The following SORCS2 variants were observed in gnomAD, a reference collection of about 807,000 sequenced individuals.
SORCS2 encodes the protein VPS10 domain-containing receptor SorCS2.
In SORCS2, 100 loss-of-function variants were observed where a neutral mutation model predicts 141.6. The observed-to-expected ratio is 0.71, with a 90% CI of 0.60 to 0.83. The LOEUF is 0.83. Among genes scored for constraint, SORCS2 ranks in the 40% least tolerant of loss-of-function variants. The pLI, the probability that SORCS2 is intolerant of heterozygous loss-of-function variation, is 0.00. For missense variants in SORCS2, 1,646 were observed against 1,560.2 expected (o/e 1.05, Z -0.93); for synonymous variants, 789 against 676.9 (o/e 1.17, Z -2.57).
At chr4:7,239,877 A>G (rs1712570272) in intron 1 of SORCS2, among the ~76,000 whole-genome samples, 1 of 152,222 alleles carries the variant, frequency 6.6e-6, no homozygotes, top group South Asian at 2.1e-4. Context: ...AGCTGCCTTC[A>G]TCTTTGTTGA....
At chr4:7,567,833 G>A (rs1315753337) in intron 3 of SORCS2, among the ~76,000 whole-genome samples, 1 of 152,158 alleles carries the variant, frequency 6.6e-6, no homozygotes, top group East Asian at 1.9e-4. Context: ...ATTTATATGA[G>A]GATGAACTCA....
In SORCS2 at chr4:7,729,650, G is replaced by A. The variant is rs759118679; in HGVS notation, c.3046G>A (p.Asp1016Asn). 1.1e-5 allele frequency: 17 copies of A among 1,603,884 alleles called. No homozygotes were observed. The highest frequency in any genetic ancestry group is 6.8e-5 in the Admixed American group (4 of 58,736). The change falls in exon 23 of 27, where the codon GAT (aspartate) becomes AAT (asparagine). Residue 1016 changes from aspartate (D) to asparagine (N), a missense_variant. Asp to Asn is a conservative substitution (Grantham distance 23, BLOSUM62 1). Transcript: ENST00000507866. ...VVKPGLPTLA[D>N]LYVLLPPPRP... is the part of the protein sequence containing the mutation. ...GAAGCCGGGGCTGCCCACTTTGGCC[G>A]ATCTGTACGTGCTCCTGCCCCCTCC...
intron 2 of SORCS2, among the ~76,000 whole-genome samples, chr4:7,402,080 G>A (rs1724630248): frequency 6.6e-6 from 1 of 152,160 alleles, no homozygotes; most frequent in Non-Finnish European, 1.5e-5. Flanking sequence ...TGGATGGTGA[G>A]CAGGAATAAT....
intron 3 of SORCS2, among the ~76,000 whole-genome samples, chr4:7,589,404 TTTG>T (rs1338630503): frequency 2.0e-4 from 3 of 14,968 alleles, no homozygotes; most frequent in Non-Finnish European, 2.5e-3. Flanking sequence ...TTTTTGTTTG[TTTG>T]TTTGTTTTGT....
At chr4:7,516,314 G>A (rs1732976177) in intron 2 of SORCS2, among the ~76,000 whole-genome samples, 1 of 152,110 alleles carries the variant, frequency 6.6e-6, no homozygotes, top group African/African-American at 2.4e-5. Context: ...CAGGCCTCTT[G>A]CTCTTGTTTT....
intron 2 of SORCS2, among the ~76,000 whole-genome samples, chr4:7,523,199 C>T (rs1733450244): frequency 6.6e-6 from 1 of 151,988 alleles, no homozygotes; most frequent in Non-Finnish European, 1.5e-5. Flanking sequence ...GAATTCCTCC[C>T]CAGAAGGGCA....
chr4:7,644,609 C>T (rs993987520), intron 4 of SORCS2, among the ~76,000 whole-genome samples: 1 of 152,202 alleles, frequency 6.6e-6, no homozygotes, highest in South Asian at 2.1e-4. Context: ...TGTTGAGTGC[C>T]ACCAATCACA....
intron 8 of SORCS2, among the ~76,000 whole-genome samples, chr4:7,674,042 G>C (rs1260306658): frequency 6.6e-6 from 1 of 152,202 alleles, no homozygotes; most frequent in African/African-American, 2.4e-5. Flanking sequence ...GAGGAGGGCA[G>C]AACAGCCACA....
At chr4:7,340,569 C>G (rs1013608952) in intron 1 of SORCS2, among the ~76,000 whole-genome samples, 47 of 152,208 alleles carry the variant, frequency 3.1e-4, no homozygotes, top group African/African-American at 1.1e-3. Flanking sequence ...CCTCCAGGCC[C>G]GTCCCTCACT....
chr4:7,589,975 G>A (rs1716805417), intron 3 of SORCS2, among the ~76,000 whole-genome samples: 1 of 152,174 alleles, frequency 6.6e-6, no homozygotes, highest in South Asian at 2.1e-4. Flanking sequence ...GGAATGGCGG[G>A]GCTATTGGAG....
chr4:7,719,634 C>T (rs10001165), intron 18 of SORCS2, among the ~76,000 whole-genome samples: 21,856 of 152,232 alleles, frequency 0.14, 2,603 homozygotes, highest in African/African-American at 0.33. Flanking sequence ...GCAGCAGCAT[C>T]TTGGGGCGGC....
Position 7,240,173 on chromosome 4 carries a change from C to T in SORCS2, c.480+47047C>T, listed in dbSNP as rs547900185. The stretch of plus-strand genomic sequence containing the variant: ...GGCCCCACGGGGCTGTCGTGATCCC[C>T]GAAGGAGATGGTGTCAGGGGAGCTT... On this transcript the variant is annotated intron_variant, in intron 1 of 26. Transcript: ENST00000507866. Among the ~76,000 whole-genome samples the T allele has an allele frequency of 1.1e-4, 17 of 152,274 alleles. No individual in the cohort carries two copies. In the East Asian group the frequency reaches 2.3e-3, roughly 21 times the overall value.
At chr4:7,637,785 C>T (rs1468467869) in intron 3 of SORCS2, among the ~76,000 whole-genome samples, 1 of 151,940 alleles carries the variant, frequency 6.6e-6, no homozygotes, top group East Asian at 1.9e-4. Flanking sequence ...TGGGGGTGAA[C>T]CTGCCATTTC....
intron 1 of SORCS2, among the ~76,000 whole-genome samples, chr4:7,389,665 G>T (rs530995987): frequency 6.6e-6 from 1 of 152,186 alleles, no homozygotes; most frequent in African/African-American, 2.4e-5. Flanking sequence ...GGGTGGTCAG[G>T]GAAGGCTTCT....
In SORCS2 at chr4:7,525,865, T is replaced by TCCTCAGTCACCTGTCC. The variant is rs1446979374; in HGVS notation, c.549-5660_549-5645dup. Among the ~76,000 whole-genome samples the TCCTCAGTCACCTGTCC allele has an allele frequency of 6.4e-4, 82 of 128,602 alleles. 4 individuals carry two copies. Among genetic ancestry groups the TCCTCAGTCACCTGTCC allele is most frequent in the Middle Eastern group, 4.6e-3 (1 of 216 alleles). The allele number at this position is 128,602 out of a possible 152,430, so 84.4% of individuals were successfully genotyped here. A position where few individuals can be genotyped will look rare whatever the true frequency, so the allele number is the denominator to read the frequency against. The stretch of plus-strand genomic sequence containing the variant: ...GGCCCTCCTGCAGTCACCTGTCCCC[T>TCCTCAGTCACCTGTCC]CCTCAGTCACCTGTCCCCTCCTCAG... On this transcript the variant is annotated intron_variant, in intron 2 of 26. Transcript: ENST00000507866.
At chr4:7,311,961 C>T (rs1196621183) in intron 1 of SORCS2, among the ~76,000 whole-genome samples, 4 of 151,992 alleles carry the variant, frequency 2.6e-5, no homozygotes, top group African/African-American at 7.3e-5. Flanking sequence ...CTGCAATTGG[C>T]GCCTCCTGGG....
At chr4:7,685,806 C>T (rs1484019636) in intron 10 of SORCS2, among the ~76,000 whole-genome samples, 1 of 152,142 alleles carries the variant, frequency 6.6e-6, no homozygotes, top group Non-Finnish European at 1.5e-5. Context: ...ACTCACAGCA[C>T]CTCCTGACTG....
chr4:7,381,607 C>T (rs1722998427), intron 1 of SORCS2, among the ~76,000 whole-genome samples: 1 of 152,218 alleles, frequency 6.6e-6, no homozygotes, highest in African/African-American at 2.4e-5. Flanking sequence ...AGGAACCCCT[C>T]AGGCAGCCAA....
chr4:7,578,022 G>A (rs1259069575), intron 3 of SORCS2, among the ~76,000 whole-genome samples: 1 of 152,182 alleles, frequency 6.6e-6, no homozygotes, highest in Non-Finnish European at 1.5e-5. Context: ...TTGAAATTTG[G>A]TGACCAAAGT....
Sources: allele counts gnomAD v4.1 joint callset (sites outside exome capture counted in the v4.1 genomes callset), GRCh38; gene constraint gnomAD v4.1.1; transcripts MANE v1.5; gene names NCBI Gene and HGNC (gene_info 2026-07-23, HGNC 2026-07-21).